The following ATRNL1 variants were observed in gnomAD, a reference collection of about 807,000 sequenced individuals.
ATRNL1 encodes the protein attractin-like protein 1.
Under a neutral mutation model 182.7 loss-of-function variants are expected in ATRNL1, and 95 were observed. The observed-to-expected ratio is 0.52, with a 90% confidence interval of 0.44 to 0.62. The LOEUF (loss-of-function observed/expected upper bound fraction) is 0.62, where lower values mean the gene tolerates loss of function less well. Among genes scored for constraint, ATRNL1 ranks in the 20% least tolerant of loss-of-function variants. ATRNL1 has a pLI of 0.00. For synonymous variants in ATRNL1, 576 were observed against 568.3 expected (o/e 1.01, Z -0.19); for missense variants, 1,471 against 1,679.5 (o/e 0.88, Z 2.17).
intron 26 of ATRNL1, among the ~76,000 whole-genome samples, chr10:115,573,930 G>T (rs552119236): frequency 6.6e-6 from 1 of 152,126 alleles, no homozygotes; most frequent in Non-Finnish European, 1.5e-5. Context: ...ATTAAGAAAA[G>T]AGTTGAAAGA....
chr10:115,425,717 T>G (rs868937888), intron 20 of ATRNL1, among the ~76,000 whole-genome samples: 1 of 152,168 alleles, frequency 6.6e-6, no homozygotes, highest in Middle Eastern at 3.4e-3. Context: ...TAGAGAAACC[T>G]TTTTTTCCAA....
chr10:115,567,810 A>G (rs1005067613), intron 26 of ATRNL1, among the ~76,000 whole-genome samples: 2 of 152,166 alleles, frequency 1.3e-5, no homozygotes, highest in Non-Finnish European at 2.9e-5. Context: ...GGTGAAAACC[A>G]AATACATTCT....
intron 9 of ATRNL1, among the ~76,000 whole-genome samples, chr10:115,221,755 T>G (rs782231718): frequency 2.6e-5 from 4 of 152,162 alleles, no homozygotes; most frequent in Non-Finnish European, 4.4e-5. Context: ...GGATTTAGTC[T>G]GGCCCCTGAG....
At chr10:115,408,166 G>A (rs1844948336) in intron 20 of ATRNL1, among the ~76,000 whole-genome samples, 1 of 151,114 alleles carries the variant, frequency 6.6e-6, no homozygotes, top group Non-Finnish European at 1.5e-5. Context: ...ACCGCGCCCG[G>A]CTAATTTTTT....
chr10:115,252,307 G>A (rs1307496775), intron 10 of ATRNL1, among the ~76,000 whole-genome samples: 3 of 152,212 alleles, frequency 2.0e-5, no homozygotes, highest in African/African-American at 7.2e-5. Context: ...GATTACAGGC[G>A]TGAGCCACCG....
intron 26 of ATRNL1, among the ~76,000 whole-genome samples, chr10:115,657,608 G>T (rs1860406753): frequency 6.6e-6 from 1 of 152,142 alleles, no homozygotes; most frequent in Admixed American, 6.6e-5. Flanking sequence ...GAGTCACGAT[G>T]GTTCACAGTG....
At chr10:115,395,800 CTATT>C (rs1193655273) in intron 20 of ATRNL1, among the ~76,000 whole-genome samples, 5 of 151,590 alleles carry the variant, frequency 3.3e-5, no homozygotes, top group Admixed American at 3.3e-4. Flanking sequence ...GCATTTTAGG[CTATT>C]TAAATTGTTT....
At chr10:115,412,938 T>G (rs1335826930) in intron 20 of ATRNL1, among the ~76,000 whole-genome samples, 1 of 152,212 alleles carries the variant, frequency 6.6e-6, no homozygotes, top group Non-Finnish European at 1.5e-5. Context: ...AATTTGCATT[T>G]CTTTGGGGGA....
At chr10:115,417,207 A>G (rs1451006054) in intron 20 of ATRNL1, among the ~76,000 whole-genome samples, 1 of 152,182 alleles carries the variant, frequency 6.6e-6, no homozygotes, top group Non-Finnish European at 1.5e-5. Context: ...TCATCTTCTA[A>G]GGGGTCTAGG....
At chr10:115,402,198 GT>G (rs1250021460) in intron 20 of ATRNL1, among the ~76,000 whole-genome samples, 23 of 152,102 alleles carry the variant, frequency 1.5e-4, no homozygotes, top group African/African-American at 5.6e-4. Context: ...ACTACTTTGT[GT>G]TTATATGTAA....
intron 24 of ATRNL1, among the ~76,000 whole-genome samples, chr10:115,517,383 T>A (rs11197257): frequency 0.043 from 6,539 of 151,942 alleles, 507 homozygotes; most frequent in African/African-American, 0.15. Context: ...TCTTACAGTA[T>A]TTTATATTTT....
At chr10:115,211,068 T>C (rs1207547662) in intron 8 of ATRNL1, among the ~76,000 whole-genome samples, 1 of 150,944 alleles carries the variant, frequency 6.6e-6, no homozygotes, top group Non-Finnish European at 1.5e-5. Context: ...TTTTTAATTA[T>C]ACTTTAAGTT....
At chr10:115,654,586 C>A (rs944208016) in intron 26 of ATRNL1, among the ~76,000 whole-genome samples, 3 of 152,034 alleles carry the variant, frequency 2.0e-5, no homozygotes, top group Non-Finnish European at 4.4e-5. Context: ...TTAATGGTTG[C>A]CTTTTACATT....
At chr10:115,732,126 A>G (rs989869455) in intron 27 of ATRNL1, among the ~76,000 whole-genome samples, 1 of 152,126 alleles carries the variant, frequency 6.6e-6, no homozygotes, top group African/African-American at 2.4e-5. Context: ...CACTGTGAAC[A>G]TTTGTGTAAA....
chr10:115,228,762 CTTTCTTTTTTTTT>C (rs1849802126), intron 9 of ATRNL1, among the ~76,000 whole-genome samples: 1 of 138,944 alleles, frequency 7.2e-6, no homozygotes, highest in African/African-American at 2.6e-5. Context: ...ATATTTCTTT[CTTTCTTTTTTTTT>C]TTTTTTTGAG....
At chr10:115,774,366 G>T (rs1274345823) in intron 27 of ATRNL1, among the ~76,000 whole-genome samples, 1 of 143,640 alleles carries the variant, frequency 7.0e-6, no homozygotes, top group South Asian at 2.2e-4. Flanking sequence ...CGGAAGTTGC[G>T]GTGAGCCGAG....
At chr10:115,755,357 T>G (rs185271233) in intron 27 of ATRNL1, among the ~76,000 whole-genome samples, 1 of 152,292 alleles carries the variant, frequency 6.6e-6, no homozygotes, top group Admixed American at 6.5e-5. Flanking sequence ...AATAACTAGT[T>G]TATTGAGAGT....
At chr10:115,600,777 C>T (rs1216802319) in intron 26 of ATRNL1, among the ~76,000 whole-genome samples, 1 of 151,776 alleles carries the variant, frequency 6.6e-6, no homozygotes, top group Non-Finnish European at 1.5e-5. Context: ...TTTCTTTGTT[C>T]TACTTAAGGA....
intron 28 of ATRNL1, among the ~76,000 whole-genome samples, chr10:115,882,450 A>G (rs1383558254): frequency 6.6e-6 from 1 of 152,126 alleles, no homozygotes; most frequent in Non-Finnish European, 1.5e-5. Flanking sequence ...GTTCTTTCCC[A>G]TAGGTACCCT....
Sources: allele counts gnomAD v4.1 joint callset (sites outside exome capture counted in the v4.1 genomes callset), GRCh38; gene constraint gnomAD v4.1.1; transcripts MANE v1.5; gene names NCBI Gene and HGNC (gene_info 2026-07-23, HGNC 2026-07-21).